Variants in PSMD5 observed in about 807,000 individuals in gnomAD.
PSMD5 encodes the protein proteasome 26S subunit, non-ATPase 5, also known as 26S proteasome non-ATPase regulatory subunit 5.
In PSMD5, 40 loss-of-function variants were observed where a neutral mutation model predicts 52.1. The ratio of observed to expected loss-of-function variants is 0.77; its 90% confidence interval spans 0.60 to 1.00. PSMD5 has a LOEUF of 1.00. Ranked by LOEUF, PSMD5 falls within the 50% of genes least tolerant of loss-of-function variation. The pLI, the probability that PSMD5 is intolerant of heterozygous loss-of-function variation, is 0.00. For synonymous variants in PSMD5, 211 were observed against 226.6 expected, an observed-to-expected ratio of 0.93 and a Z score of 0.62; for missense variants, 575 against 605.2, an observed-to-expected ratio of 0.95 and a Z score of 0.52.
Position 120,842,860 on chromosome 9 carries a change from G to A in PSMD5, c.50C>T (p.Ala17Val), listed in dbSNP as rs752326603. Residue 17 changes from alanine (A) to valine (V), a missense_variant, in exon 1 of 10, where the codon GCG becomes GTG. Coordinates refer to ENST00000210313, the MANE Select transcript of PSMD5 (RefSeq NM_005047.4). ...ALLREVARLE[A>V]PLEELRALHS... ...AAGCGCGCGTAGCTCCTCCAGCGGC[G>A]CTTCCAGCCTCGCTACCTCTCTCAG... is the stretch of plus-strand genomic sequence containing the variant. 4.4e-6 allele frequency: 7 copies of A among 1,604,460 alleles called. No individual in the cohort carries two copies. Among genetic ancestry groups the A allele is most frequent in the Non-Finnish European group, 5.1e-6 (6 of 1,178,230 alleles).
Position 120,842,895 on chromosome 9 carries a change from A to C in PSMD5, c.15T>G (p.Ala5=). MAAQ[A]LALLREVARL... ...TCGCTACCTCTCTCAGCAGCGCCAA[A>C]GCCTGGGCTGCCATCTTGCCCCCCG... The change falls in exon 1 of 10, where the codon GCT becomes GCG. Residue 5 remains alanine, a synonymous_variant. Transcript: ENST00000210313. 1 of 1,590,506 alleles carries C rather than the reference A, an allele frequency of 6.3e-7. No individual in the cohort carries two copies. Among genetic ancestry groups the C allele is most frequent in the Non-Finnish European group, 8.5e-7 (1 of 1,173,718 alleles).
At position 120,831,379 on chromosome 9, in the gene PSMD5, C is replaced by G; in HGVS notation, c.513G>C (p.Leu171Phe). The change falls in exon 4 of 10, where the codon TTG becomes TTC. Residue 171 changes from leucine to phenylalanine, a missense_variant. Transcript: ENST00000210313. ...ALFESNLLDD[L>F]KSVMKTNDIV... is the part of the protein sequence containing the mutation. ...TGTCATTTGTTTTCATTACACTTTT[C>G]AAATCATCCAGCAGATTGCTTTCAA... The G allele has an allele frequency of 6.2e-7, 1 of 1,612,830 alleles. No individual in the cohort carries two copies. Among genetic ancestry groups the G allele is most frequent in the East Asian group, 2.2e-5 (1 of 44,828 alleles).
chr9:120,826,872 T>G lies in PSMD5; in HGVS notation c.707A>C (p.Tyr236Ser), dbSNP rs1189572643. 1 of 1,613,638 alleles carries G rather than the reference T, an allele frequency of 6.2e-7. No individual in the cohort carries two copies. The highest frequency in any genetic ancestry group is 8.5e-7 in the Non-Finnish European group (1 of 1,179,708). ...AAGATATTGTCGCCCATGATGAGTA[T>G]ATGCCAGTGATGTCACCATTTCTAT... ...TCIEMVTSLA[Y>S]THHGRQYLAQ... is the part of the protein sequence containing the mutation. Residue 236 changes from tyrosine (Y) to serine (S), a missense_variant, in exon 6 of 10, where the codon TAT becomes TCT. Transcript: ENST00000210313.
chr9:120,830,588 TATC>T (rs1044957864), intron 4 of PSMD5, among the ~76,000 whole-genome samples: 16 of 152,184 alleles, frequency 1.1e-4, no homozygotes. Flanking sequence ...CATAGTATGG[TATC>T]ATGACATGCA....
At position 120,830,074 on chromosome 9, in the gene PSMD5, G is replaced by GA. The variant is rs369918099; in HGVS notation, c.562-867_562-866insT. On this transcript the variant is annotated intron_variant, in intron 4 of 9. Transcript: ENST00000210313. Reference sequence around the variant, plus strand: ...TGAGTGACACCAGTAAGTTAGTCTAGGGTGGTAGAAGCTGTACTAATGAAG... The same window carrying GA: ...TGAGTGACACCAGTAAGTTAGTCTAGAGGTGGTAGAAGCTGTACTAATGAAG... Among the ~76,000 whole-genome samples the GA allele has an allele frequency of 5.5e-3, 842 of 152,300 alleles. 11 individuals carry two copies. Among genetic ancestry groups the GA allele is most frequent in the African/African-American group, 0.019 (794 of 41,548 alleles).
rs186841024 is a variant in PSMD5, at chr9:120,820,879, G to A, written c.1217C>T (p.Pro406Leu). The change falls in exon 9 of 10, where the codon CCC becomes CTC. Residue 406 changes from proline (P) to leucine (L), a missense_variant. Physicochemically the swap from Pro to Leu is moderately conservative, Grantham distance 98 (BLOSUM62 -3). Coordinates refer to ENST00000210313, the MANE Select transcript of PSMD5 (RefSeq NM_005047.4). Reference protein sequence around the residue: ...LELFRGISSQPFPELHCAALK... With the variant: ...LELFRGISSQLFPELHCAALK... ...GGCAGCACAGTGTAGTTCAGGGAAG[G>A]GCTGACTACTAATGCCACGGAAGAG... The A allele has an allele frequency of 6.2e-7, 1 of 1,606,298 alleles. No individual in the cohort carries two copies. Among genetic ancestry groups the A allele is most frequent in the Middle Eastern group, 1.7e-4 (1 of 6,006 alleles).
intron 2 of PSMD5, 21 bp downstream of exon 2, chr9:120,833,291 G>A: frequency 1.2e-6 from 2 of 1,611,944 alleles, no homozygotes. Context: ...GTCAATGTCG[G>A]TTCCTAGTAG....
At position 120,833,437 on chromosome 9, in the gene PSMD5, C is replaced by T; in HGVS notation, c.193G>A (p.Val65Ile). The T allele has an allele frequency of 1.2e-6, 2 of 1,613,758 alleles. No individual in the cohort carries two copies. Among genetic ancestry groups the T allele is most frequent in the Non-Finnish European group, 1.7e-6 (2 of 1,179,778 alleles). The change falls in exon 2 of 10, where the codon GTA (valine) becomes ATA (isoleucine). Residue 65 changes from valine (V) to isoleucine (I), a missense_variant. Coordinates refer to ENST00000210313, the MANE Select transcript of PSMD5 (RefSeq NM_005047.4). The part of the protein sequence containing the change: ...ENHREKTTLC[V>I]SILERLLQAM... The stretch of plus-strand genomic sequence containing the variant: ...TGGAGCAATCTCTCCAGAATGGATA[C>T]ACACAAAGTAGTCTTTTCCCTGAAG...
chr9:120,820,230 T>G (rs908262959), intron 9 of PSMD5, among the ~76,000 whole-genome samples: 11 of 152,210 alleles, frequency 7.2e-5, no homozygotes, highest in African/African-American at 2.7e-4. Flanking sequence ...GGAAACTACA[T>G]GAAAGGAAGG....
At chr9:120,821,509 T>C (rs372938093) in intron 7 of PSMD5, 45 bp from the exon 8 acceptor site, 31 of 1,333,698 alleles carry the variant, frequency 2.3e-5, no homozygotes, top group Non-Finnish European at 3.0e-5. Flanking sequence ...TGGTAAAATA[T>C]ACACAACATA....
chr9:120,817,985 A>G lies in PSMD5; in HGVS notation c.1436T>C (p.Leu479Ser). Residue 479 changes from leucine to serine, a missense_variant, in exon 10 of 10, where the codon TTG becomes TCG. Transcript: ENST00000210313. The stretch of plus-strand genomic sequence containing the variant: ...TTCACTCAGGTAAGTTCTGAGCCTC[A>G]AATAATTTGGGTTCCCAAAGATTTC... ...IAEIFGNPNY[L>S]RLRTYLSEGP... is the part of the protein sequence containing the mutation. 1 of 1,614,214 alleles carries G rather than the reference A, an allele frequency of 6.2e-7. No homozygotes were observed. Among genetic ancestry groups the G allele is most frequent in the Non-Finnish European group, 8.5e-7 (1 of 1,180,032 alleles).
intron 3 of PSMD5, 57 bp from the exon 4 acceptor site, chr9:120,831,516 C>T (rs2045159920): frequency 2.0e-6 from 3 of 1,515,048 alleles, no homozygotes; most frequent in Non-Finnish European, 2.7e-6. Flanking sequence ...TTATCTACTT[C>T]ATAAGAGTGA....
Position 120,826,837 on chromosome 9 carries a change from C to T in PSMD5, c.742G>A (p.Gly248Arg), listed in dbSNP as rs1179909653. 1.2e-6 allele frequency: 2 copies of T among 1,613,084 alleles called. No homozygotes were observed. The highest frequency in any genetic ancestry group is 1.1e-5 in the South Asian group (1 of 91,062). The change falls in exon 6 of 10, where the codon GGA (glycine) becomes AGA (arginine). Residue 248 changes from glycine (G) to arginine (R), a missense_variant. By Grantham distance (125) the Gly-to-Arg change is moderately radical (BLOSUM62 -2). Coordinates refer to ENST00000210313, the MANE Select transcript of PSMD5 (RefSeq NM_005047.4). ...HHGRQYLAQE[G>R]VIDQISNIIV... is the part of the protein sequence containing the mutation. ...ATATTAGAAATTTGGTCAATTACTC[C>T]TTCTTGAGCAAGATATTGTCGCCCA...
intron 9 of PSMD5, among the ~76,000 whole-genome samples, chr9:120,820,615 A>G (rs2131420055): frequency 6.6e-6 from 1 of 152,362 alleles, no homozygotes; most frequent in Non-Finnish European, 1.5e-5. Flanking sequence ...TAACTGTGTG[A>G]TCCCATAGCA....
At chr9:120,836,706 C>T (rs1014862714) in intron 1 of PSMD5, among the ~76,000 whole-genome samples, 2 of 151,644 alleles carry the variant, frequency 1.3e-5, no homozygotes, top group Admixed American at 6.6e-5. Context: ...CCCATCTGTA[C>T]TTCTTGTTCA....
chr9:120,831,663 T>G (rs951393153), intron 3 of PSMD5, 169 bp downstream of exon 3: 3 of 1,143,142 alleles, frequency 2.6e-6, no homozygotes, highest in Admixed American at 3.0e-5. Flanking sequence ...AGGGGTTTAC[T>G]AGTATTTACT....
intron 9 of PSMD5, among the ~76,000 whole-genome samples, chr9:120,819,870 C>G (rs893261104): frequency 3.9e-5 from 6 of 152,174 alleles, no homozygotes; most frequent in African/African-American, 1.4e-4. Flanking sequence ...TATAGGAATA[C>G]CTGTATCCTT....
At chr9:120,829,746 G>A (rs565176818) in intron 4 of PSMD5, among the ~76,000 whole-genome samples, 5 of 152,072 alleles carry the variant, frequency 3.3e-5, no homozygotes, top group Admixed American at 6.5e-5. Flanking sequence ...GCACTTTCCC[G>A]CCCAAGCAAT....
At position 120,817,309 on chromosome 9, in the gene PSMD5, T is replaced by G. The variant is rs1014988368; in HGVS notation, c.*597A>C. On this transcript the variant is annotated 3_prime_UTR_variant, in exon 10 of 10. Coordinates refer to ENST00000210313, the MANE Select transcript of PSMD5 (RefSeq NM_005047.4). Reference sequence around the variant, plus strand: ...TTTTTGAGACAGAGTCTTGCTGTGTTGCCCAGGCTGGTGTGCAGTGGCAAG... The same window carrying G: ...TTTTTGAGACAGAGTCTTGCTGTGTGGCCCAGGCTGGTGTGCAGTGGCAAG... 3 of 152,260 alleles carry G rather than the reference T, an allele frequency of 2.0e-5. No individual in the cohort carries two copies. The highest frequency in any genetic ancestry group is 4.4e-5 in the Non-Finnish European group (3 of 68,066). The allele number at this position is 152,260 out of a possible 1,614,324, so 9.4% of individuals were successfully genotyped here. A position where few individuals can be genotyped will look rare whatever the true frequency, so the allele number is the denominator to read the frequency against.
Sources: gnomAD v4.1 joint callset for allele counts (sites outside exome capture counted in the v4.1 genomes callset) on GRCh38, gnomAD v4.1.1 for gene constraint, MANE v1.5 for transcripts, NCBI Gene and HGNC (gene_info 2026-07-23, HGNC 2026-07-21) for gene names.